C7: variants seen among roughly 807,000 people sequenced by gnomAD.
C7 encodes the protein complement C7.
In C7, 83 loss-of-function variants were observed where a neutral mutation model predicts 104.8. The ratio of observed to expected loss-of-function variants is 0.79; its 90% CI spans 0.66 to 0.95. The LOEUF (loss-of-function observed/expected upper bound fraction) is 0.95. C7 is among the 40% of genes least tolerant of loss of function. The pLI is 0.00. For synonymous variants in C7, 415 were observed against 360.6 expected (o/e 1.15, Z -1.71); for missense variants, 1,070 against 1,011.2 (o/e 1.06, Z -0.79).
At chr5:40,978,732 A>G (rs1186874259) in intron 16 of C7, among the ~76,000 whole-genome samples, 1 of 152,154 alleles carries the variant, frequency 6.6e-6, no homozygotes, top group Admixed American at 6.6e-5. Context: ...GTGTTGTCTA[A>G]GGTTTCAGTG....
Position 40,979,717 on chromosome 5 carries a change from C to A in C7, c.2166-8C>A, listed in dbSNP as rs781075320. The A allele has an allele frequency of 1.1e-5, 17 of 1,594,852 alleles. No homozygotes were observed. The South Asian group carries it at 1.3e-4, about 12-fold the overall frequency. ...CTTGTAAATAATGTCATTAAAAATT[C>A]TTTTCAGACCTTCCTTGGATGTATG... On this transcript the variant is annotated splice_polypyrimidine_tract_variant and splice_region_variant and intron_variant, in intron 16 of 17. Coordinates refer to ENST00000313164, the MANE Select transcript of C7 (RefSeq NM_000587.4).
chr5:40,921,805 G>A (rs1579839194), intron 1 of C7, among the ~76,000 whole-genome samples: 1 of 152,072 alleles, frequency 6.6e-6, no homozygotes, highest in African/African-American at 2.4e-5. Flanking sequence ...GGAAGGCCGA[G>A]GTGGGTGGAT....
At chr5:40,928,458 T>C in intron 1 of C7, 122 bp from the exon 2 acceptor site, 2 of 604,384 alleles carry the variant, frequency 3.3e-6, no homozygotes, top group Non-Finnish European at 5.8e-6. Context: ...TTATTTCACA[T>C]TGTATTGAGA....
intron 17 of C7, chr5:40,980,369 A>T (rs1314606115): frequency 6.6e-6 from 1 of 152,610 alleles, no homozygotes; most frequent in African/African-American, 2.4e-5. Flanking sequence ...CTGGTCCAAC[A>T]TTGACTATGC....
chr5:40,935,898 T>C (rs1306788058), intron 4 of C7, among the ~76,000 whole-genome samples: 15 of 152,216 alleles, frequency 9.9e-5, no homozygotes, highest in Admixed American at 9.8e-4. Context: ...TACGGAAATG[T>C]TGAATTTTAA....
chr5:40,984,178 C>T lies in C7; in HGVS notation c.*2605C>T, dbSNP rs1374310894. The stretch of plus-strand genomic sequence containing the variant: ...TCAAAAGTAGTGCTGCTTCTCTAAG[C>T]CCTGAGATTTAATGAGCCCCATTCA... On this transcript the variant is annotated 3_prime_UTR_variant, in exon 18 of 18. Coordinates refer to ENST00000313164, the MANE Select transcript of C7 (RefSeq NM_000587.4). Among the ~76,000 whole-genome samples, 1 of 152,154 alleles carries T rather than the reference C, an allele frequency of 6.6e-6. No homozygotes were observed. Among genetic ancestry groups the T allele is most frequent in the East Asian group, 1.9e-4 (1 of 5,184 alleles).
intron 1 of C7, among the ~76,000 whole-genome samples, chr5:40,917,585 C>A (rs1164418825): frequency 6.6e-6 from 1 of 152,092 alleles, no homozygotes; most frequent in Non-Finnish European, 1.5e-5. Context: ...CAGCAATGAA[C>A]ATGGGAGTGC....
intron 6 of C7, among the ~76,000 whole-genome samples, chr5:40,943,699 A>G (rs961523947): frequency 2.7e-5 from 4 of 147,656 alleles, no homozygotes; most frequent in Admixed American, 6.6e-5. Context: ...GTGTGTGTGT[A>G]TATATATATA....
chr5:40,984,039 G>A lies in C7; in HGVS notation c.*2466G>A, dbSNP rs1036609915. 2.6e-5 allele frequency among the ~76,000 whole-genome samples: 4 copies of A among 152,180 alleles called. No homozygotes were observed. The highest frequency in any genetic ancestry group is 1.9e-4 in the East Asian group (1 of 5,184). ...GCCAAGGCACATCCTACAGATCATC[G>A]CTTACCACTCATGAGGACGCTACAA... On this transcript the variant is annotated 3_prime_UTR_variant, in exon 18 of 18. Transcript: ENST00000313164.
intron 1 of C7, among the ~76,000 whole-genome samples, chr5:40,913,827 G>A (rs1370439870): frequency 3.9e-5 from 6 of 152,120 alleles, no homozygotes; most frequent in African/African-American, 7.2e-5. Flanking sequence ...CTACAGGTGC[G>A]TGCCAACATG....
intron 7 of C7, among the ~76,000 whole-genome samples, chr5:40,946,233 T>C (rs1015953411): frequency 6.6e-6 from 1 of 152,178 alleles, no homozygotes; most frequent in Non-Finnish European, 1.5e-5. Flanking sequence ...TACTTCATTG[T>C]TTTGAAATAC....
chr5:40,964,844 G>C lies in C7; in HGVS notation c.1853G>C (p.Arg618Pro). The C allele has an allele frequency of 6.2e-7, 1 of 1,613,714 alleles. No homozygotes were observed. The highest frequency in any genetic ancestry group is 2.2e-5 in the East Asian group (1 of 44,874). The stretch of plus-strand genomic sequence containing the variant: ...GTGGCCAGATGTGGAGAAGATTTAC[G>C]GTGGCTTGTTGGGGAAATGCATTGT... ...NPVARCGEDL[R>P]WLVGEMHCQK... Residue 618 changes from arginine (R) to proline (P), a missense_variant, in exon 14 of 18, where the codon CGG becomes CCG. Coordinates refer to ENST00000313164, the MANE Select transcript of C7 (RefSeq NM_000587.4).
intron 6 of C7, among the ~76,000 whole-genome samples, chr5:40,938,864 A>G (rs1304411640): frequency 5.9e-5 from 9 of 152,200 alleles, no homozygotes; most frequent in Admixed American, 5.9e-4. Flanking sequence ...AAGATAGAGG[A>G]GAGATTTTCT....
chr5:40,916,143 A>G (rs1222706752), intron 1 of C7, among the ~76,000 whole-genome samples: 1 of 152,206 alleles, frequency 6.6e-6, no homozygotes, highest in Non-Finnish European at 1.5e-5. Context: ...GAAACTACCT[A>G]TAATTTGACA....
chr5:40,939,168 C>G (rs1739878888), intron 6 of C7, among the ~76,000 whole-genome samples: 1 of 152,164 alleles, frequency 6.6e-6, no homozygotes, highest in Non-Finnish European at 1.5e-5. Flanking sequence ...CAGAAAGCAG[C>G]TTTGATTATA....
At position 40,962,078 on chromosome 5, in the gene C7, C is replaced by T. The variant is rs374690288; in HGVS notation, c.1662-7C>T. On this transcript the variant is annotated splice_polypyrimidine_tract_variant and splice_region_variant and intron_variant, in intron 12 of 17. Transcript: ENST00000313164. ...AATCACATTAATTACATTTTTTTTC[C>T]TTCCAGGTTGCTTGAACCACATTGC... is the stretch of plus-strand genomic sequence containing the variant. 2.0e-6 allele frequency: 3 copies of T among 1,476,102 alleles called. No individual in the cohort carries two copies. Among genetic ancestry groups the T allele is most frequent in the Non-Finnish European group, 1.8e-6 (2 of 1,096,824 alleles). 91.4% of individuals were successfully genotyped at this position (1,476,102 alleles called of 1,614,324 possible).
At chr5:40,921,800 G>A (rs1015653786) in intron 1 of C7, among the ~76,000 whole-genome samples, 4 of 152,062 alleles carry the variant, frequency 2.6e-5, no homozygotes, top group Non-Finnish European at 5.9e-5. Flanking sequence ...ACTTTGGAAG[G>A]CCGAGGTGGG....
At chr5:40,940,958 G>C (rs1225362922) in intron 6 of C7, among the ~76,000 whole-genome samples, 5 of 151,978 alleles carry the variant, frequency 3.3e-5, no homozygotes, top group African/African-American at 1.2e-4. Flanking sequence ...TGTATATGCA[G>C]TGAATATCTC....
At chr5:40,964,394 A>T (rs968447745) in intron 13 of C7, 1 of 187,840 alleles carries the variant, frequency 5.3e-6, no homozygotes, top group African/African-American at 2.4e-5. Context: ...CTCCAAATCT[A>T]ATAAAGAACT....
Sources: allele counts gnomAD v4.1 joint callset (sites outside exome capture counted in the v4.1 genomes callset), GRCh38; gene constraint gnomAD v4.1.1; transcripts MANE v1.5; gene names NCBI Gene and HGNC (gene_info 2026-07-23, HGNC 2026-07-21).